The following LRRK2 variants were observed in gnomAD, a reference collection of about 807,000 sequenced individuals.
LRRK2 encodes leucine rich repeat kinase 2.
A neutral mutation model predicts 302.6 loss-of-function variants in LRRK2; 203 were observed. The observed-to-expected ratio is 0.67, with a 90% CI of 0.60 to 0.75. The LOEUF is 0.75. LRRK2 is among the 30% of genes least tolerant of loss of function. The pLI is 0.00. For synonymous variants in LRRK2, 1,066 were observed against 1,031.9 expected, an observed-to-expected ratio of 1.03 and a Z score of -0.63; for missense variants, 2,830 against 2,951.0, an observed-to-expected ratio of 0.96 and a Z score of 0.95.
intron 8 of LRRK2, among the ~76,000 whole-genome samples, chr12:40,250,667 T>A (rs1416146109): frequency 1.3e-5 from 2 of 152,130 alleles, no homozygotes; most frequent in Non-Finnish European, 2.9e-5. Flanking sequence ...TCCAGTCCCA[T>A]CCCCTAACAG....
At chr12:40,365,786 T>C (rs1338202742) in intron 49 of LRRK2, 1 of 151,994 alleles carries the variant, frequency 6.6e-6, no homozygotes, top group African/African-American at 2.4e-5. Flanking sequence ...TGCAAGTATA[T>C]GTGAAAGAGG....
intron 38 of LRRK2, among the ~76,000 whole-genome samples, chr12:40,327,534 G>A (rs370530180): frequency 6.6e-6 from 1 of 152,154 alleles, no homozygotes; most frequent in African/African-American, 2.4e-5. Context: ...TAGAACAAGA[G>A]GAGAACTTTA....
chr12:40,241,563 T>C (rs1382138035), intron 6 of LRRK2, among the ~76,000 whole-genome samples: 1 of 152,234 alleles, frequency 6.6e-6, no homozygotes, highest in Non-Finnish European at 1.5e-5. Context: ...AGGATATACA[T>C]ATGCATTTAT....
chr12:40,270,817 T>A (rs771076655), intron 14 of LRRK2, among the ~76,000 whole-genome samples: 62 of 152,104 alleles, frequency 4.1e-4, no homozygotes, highest in Non-Finnish European at 2.8e-4. Context: ...TACATATACA[T>A]GGTAAAGATA....
Position 40,287,471 on chromosome 12 carries a change from A to T in LRRK2, c.2621A>T (p.Glu874Val). ...FSEDVLSKFD[E>V]WTFIPDSSMD... The stretch of plus-strand genomic sequence containing the variant: ...GAAGATGTGCTGTCTAAATTTGATG[A>T]ATGGACCTTTATTCCTGACTCTTCT... The change falls in exon 20 of 51, where the codon GAA (glutamate) becomes GTA (valine). Residue 874 changes from glutamate (E) to valine (V), a missense_variant. Coordinates refer to ENST00000298910, the MANE Select transcript of LRRK2 (RefSeq NM_198578.4). 1 of 1,612,876 alleles carries T rather than the reference A, an allele frequency of 6.2e-7. No homozygotes were observed. Among genetic ancestry groups the T allele is most frequent in the Non-Finnish European group, 8.5e-7 (1 of 1,179,128 alleles).
chr12:40,246,958 T>G (rs965960008), intron 7 of LRRK2, among the ~76,000 whole-genome samples: 7 of 152,170 alleles, frequency 4.6e-5, no homozygotes, highest in Non-Finnish European at 1.5e-5. Flanking sequence ...TGAGAGTGGT[T>G]GCTGAATAAT....
chr12:40,241,144 G>A (rs1941702337), intron 6 of LRRK2, among the ~76,000 whole-genome samples: 1 of 152,198 alleles, frequency 6.6e-6, no homozygotes, highest in Non-Finnish European at 1.5e-5. Context: ...GGGGTTATGA[G>A]TGTGCGTGCA....
At chr12:40,354,212 T>A in intron 44 of LRRK2, 87 bp from the exon 45 acceptor site, 1 of 1,115,040 alleles carries the variant, frequency 9.0e-7, no homozygotes, top group Admixed American at 2.2e-5. Context: ...AAGAGTTATG[T>A]TGATAACAGA....
chr12:40,306,106 G>A (rs1944813714), intron 28 of LRRK2, 140 bp downstream of exon 28: 3 of 649,178 alleles, frequency 4.6e-6, no homozygotes, highest in Admixed American at 6.0e-5. Context: ...TGTGTCATTT[G>A]CCTTTCATTT....
chr12:40,366,940 C>CT (rs1946896325), intron 49 of LRRK2, 66 bp from the exon 50 acceptor site: 122 of 1,249,764 alleles, frequency 9.8e-5, no homozygotes, highest in Middle Eastern at 3.9e-4. Flanking sequence ...AACAACTTTA[C>CT]TTTTTTTTCA....
At position 40,275,000 on chromosome 12, in the gene LRRK2, G is replaced by T; in HGVS notation, c.1941+7G>T. On this transcript the variant is annotated splice_region_variant and intron_variant, in intron 16 of 50. Transcript: ENST00000298910. ...TGCTGAAATACAGACTAAAGTATGT[G>T]CATTATCTTGGAAAGAATTTGGGAA... The T allele has an allele frequency of 6.2e-7, 1 of 1,613,706 alleles. No homozygotes were observed. Among genetic ancestry groups the T allele is most frequent in the Non-Finnish European group, 8.5e-7 (1 of 1,179,820 alleles).
At chr12:40,362,602 G>T (rs1946747880) in intron 47 of LRRK2, among the ~76,000 whole-genome samples, 2 of 152,008 alleles carry the variant, frequency 1.3e-5, no homozygotes, top group African/African-American at 2.4e-5. Flanking sequence ...TAATATGACA[G>T]TGACACCAGT....
chr12:40,285,190 CA>C (rs1379179071), intron 19 of LRRK2, among the ~76,000 whole-genome samples: 1 of 152,136 alleles, frequency 6.6e-6, no homozygotes, highest in African/African-American at 2.4e-5. Context: ...GTGCTATCAC[CA>C]GTCTGGAAGG....
intron 29 of LRRK2, 36 bp downstream of exon 29, chr12:40,308,732 A>G (rs760742023): frequency 6.3e-7 from 1 of 1,589,970 alleles, no homozygotes; most frequent in Middle Eastern, 1.7e-4. Flanking sequence ...ATTCACTTTT[A>G]CCATTTGTTT....
intron 3 of LRRK2, among the ~76,000 whole-genome samples, chr12:40,235,012 T>A (rs1941385419): frequency 6.6e-6 from 1 of 152,182 alleles, no homozygotes. Flanking sequence ...GATTTTTTTT[T>A]ATTTTTTTAA....
chr12:40,353,247 GGGCTCCTC>G (rs1946419517), intron 44 of LRRK2, among the ~76,000 whole-genome samples: 2 of 19,420 alleles, frequency 1.0e-4, no homozygotes, highest in Admixed American at 9.8e-4. Context: ...CCAGGCAAAG[GGGCTCCTC>G]ACTTCTCAGA....
intron 4 of LRRK2, among the ~76,000 whole-genome samples, 182 bp downstream of exon 4, chr12:40,235,896 A>T (rs920208389): frequency 6.6e-5 from 10 of 150,424 alleles, no homozygotes; most frequent in African/African-American, 2.4e-4. Context: ...GCCATAATAT[A>T]ATCTAAATAT....
intron 20 of LRRK2, among the ~76,000 whole-genome samples, chr12:40,289,936 C>G (rs1186942413): frequency 6.6e-6 from 1 of 151,300 alleles, no homozygotes; most frequent in Non-Finnish European, 1.5e-5. Context: ...TTTTCTTGTC[C>G]TATTGCACTG....
chr12:40,313,668 A>G (rs879126434), intron 31 of LRRK2, among the ~76,000 whole-genome samples: 1 of 149,696 alleles, frequency 6.7e-6, no homozygotes, highest in South Asian at 2.2e-4. Context: ...AATCTTTTTT[A>G]TGGTTAGTGA....
Sources: gnomAD v4.1 joint callset for allele counts (sites outside exome capture counted in the v4.1 genomes callset) on GRCh38, gnomAD v4.1.1 for gene constraint, MANE v1.5 for transcripts, NCBI Gene and HGNC (gene_info 2026-07-23, HGNC 2026-07-21) for gene names.